The following DCLK1 variants were observed in gnomAD, a reference collection of about 807,000 sequenced individuals.
DCLK1 encodes doublecortin like kinase 1, also known as serine/threonine-protein kinase DCLK1.
A neutral mutation model predicts 86.2 loss-of-function variants in DCLK1; 16 were observed. The observed-to-expected ratio is 0.19, with a 90% CI of 0.13 to 0.28. The LOEUF (loss-of-function observed/expected upper bound fraction) is 0.28, where lower values mean the gene tolerates loss of function less well. DCLK1 is among the 10% of genes least tolerant of loss of function. The pLI is 1.00. For missense variants in DCLK1, 590 were observed against 940.2 expected (o/e 0.63, Z 4.87); for synonymous variants, 369 against 370.5 (o/e 1.00, Z 0.05).
At chr13:36,025,658 G>T (rs1025640209) in intron 3 of DCLK1, among the ~76,000 whole-genome samples, 9 of 152,142 alleles carry the variant, frequency 5.9e-5, no homozygotes, top group Non-Finnish European at 1.2e-4. Flanking sequence ...TATTGTATAG[G>T]CCCATTTATA....
At chr13:35,811,834 GA>G (rs796929367) in intron 11 of DCLK1, among the ~76,000 whole-genome samples, 24 of 138,430 alleles carry the variant, frequency 1.7e-4, no homozygotes, top group Middle Eastern at 3.8e-3. Flanking sequence ...AAATCTGTCT[GA>G]AAAAAAAAAA....
At chr13:36,045,402 T>G (rs1031521123) in intron 3 of DCLK1, among the ~76,000 whole-genome samples, 1 of 128,806 alleles carries the variant, frequency 7.8e-6, no homozygotes, top group East Asian at 2.6e-4. Context: ...CTAACATCAG[T>G]GAACTTTCCC....
chr13:36,024,868 T>C (rs1301843133), intron 3 of DCLK1, among the ~76,000 whole-genome samples: 2 of 151,836 alleles, frequency 1.3e-5, no homozygotes, highest in African/African-American at 2.4e-5. Context: ...GACAGTATGA[T>C]ACAGACATAA....
At chr13:35,799,411 G>C (rs7994569) in intron 15 of DCLK1, among the ~76,000 whole-genome samples, 94,568 of 151,952 alleles carry the variant, frequency 0.62, 31,855 homozygotes, top group African/African-American at 0.88. Context: ...GCCACCATGC[G>C]TGGCTAATTT....
In DCLK1 at chr13:35,854,485, G is replaced by A; in HGVS notation, c.1035+14C>T. 1 of 1,585,798 alleles carries A rather than the reference G, an allele frequency of 6.3e-7. No individual in the cohort carries two copies. The highest frequency in any genetic ancestry group is 8.6e-7 in the Non-Finnish European group (1 of 1,165,600). On this transcript the variant is annotated intron_variant, in intron 6 of 16. Transcript: ENST00000360631. ...GAGACAGGTCTGAAACAAGCAGCTT[G>A]CTTATTTCCTTACCCTCTGCTTCCG...
chr13:36,057,699 T>C (rs564073618), intron 3 of DCLK1, among the ~76,000 whole-genome samples: 181 of 152,264 alleles, frequency 1.2e-3, no homozygotes, highest in African/African-American at 4.2e-3. Flanking sequence ...ATTTATGGAA[T>C]AGATTAAAGC....
Position 35,977,539 on chromosome 13 carries a change from A to G in DCLK1, c.724-30082T>C, listed in dbSNP as rs554526661. Among the ~76,000 whole-genome samples the G allele has an allele frequency of 7.9e-4, 120 of 152,208 alleles. 1 individual carries two copies. Among genetic ancestry groups the G allele is most frequent in the Non-Finnish European group, 1.3e-3 (91 of 68,042 alleles). ...GGTATTTGCTAATTAAAGTACAGAA[A>G]TGCACACATTTAATACTGGTCATCA... On this transcript the variant is annotated intron_variant, in intron 3 of 16. Transcript: ENST00000360631.
chr13:35,936,962 C>CTTTTTT lies in DCLK1; in HGVS notation c.823+10390_823+10395dup, dbSNP rs140269668. On this transcript the variant is annotated intron_variant, in intron 4 of 16. Coordinates refer to ENST00000360631, the MANE Select transcript of DCLK1 (RefSeq NM_001330071.2). Reference sequence around the variant, plus strand: ...TTAAAACATCCAAAAGAAAAGTTAGCTTTTTTTTTTTTTTTTTTTTTTTTT... The same window carrying CTTTTTT: ...TTAAAACATCCAAAAGAAAAGTTAGCTTTTTTTTTTTTTTTTTTTTTTTTTTTTTTT... 1.3e-3 allele frequency among the ~76,000 whole-genome samples: 85 copies of CTTTTTT among 65,732 alleles called. 3 individuals are homozygous for CTTTTTT. Among genetic ancestry groups the CTTTTTT allele is most frequent in the African/African-American group, 2.8e-3 (52 of 18,890 alleles). The allele number at this position is 65,732 out of a possible 152,430, so 43.1% of individuals were successfully genotyped here. A position where few individuals can be genotyped will look rare whatever the true frequency, so the allele number is the denominator to read the frequency against.
chr13:35,997,757 G>A (rs1411741538), intron 3 of DCLK1, among the ~76,000 whole-genome samples: 1 of 152,140 alleles, frequency 6.6e-6, no homozygotes, highest in Non-Finnish European at 1.5e-5. Context: ...AAACAGCAAA[G>A]TATGCTTCTC....
At chr13:35,861,163 C>A (rs984831397) in intron 5 of DCLK1, among the ~76,000 whole-genome samples, 3 of 152,104 alleles carry the variant, frequency 2.0e-5, no homozygotes, top group Admixed American at 1.3e-4. Context: ...GCAATGGCAT[C>A]ACCATAGGGA....
intron 3 of DCLK1, among the ~76,000 whole-genome samples, chr13:35,960,283 C>T (rs1013118288): frequency 6.6e-6 from 1 of 152,056 alleles, no homozygotes; most frequent in African/African-American, 2.4e-5. Context: ...AATAAAAATC[C>T]ACCATGTGCA....
intron 3 of DCLK1, among the ~76,000 whole-genome samples, chr13:35,975,343 A>G (rs1879280759): frequency 6.6e-6 from 1 of 152,210 alleles, no homozygotes; most frequent in South Asian, 2.1e-4. Context: ...GACCTGCATC[A>G]GGCTGGAGAC....
rs1257738119 is a variant in DCLK1, at chr13:35,771,494, T to C, written c.*3041A>G. The C allele has an allele frequency of 6.6e-6, 1 of 152,218 alleles. No individual in the cohort carries two copies. The highest frequency in any genetic ancestry group is 1.5e-5 in the Non-Finnish European group (1 of 68,044). 9.4% of individuals were successfully genotyped at this position (152,218 alleles called of 1,614,324 possible). The stretch of plus-strand genomic sequence containing the variant: ...GAGCAAATCACATATTCATTGATCA[T>C]GACGAATAAAATGATTTCTGCTACA... On this transcript the variant is annotated 3_prime_UTR_variant, in exon 17 of 17. Coordinates refer to ENST00000360631, the MANE Select transcript of DCLK1 (RefSeq NM_001330071.2).
intron 3 of DCLK1, among the ~76,000 whole-genome samples, chr13:36,092,733 G>A (rs1310414331): frequency 1.3e-5 from 2 of 151,692 alleles, no homozygotes; most frequent in Admixed American, 6.6e-5. Context: ...TGATCCGCCC[G>A]CCTCGGCCTC....
At chr13:36,029,239 C>T (rs979282009) in intron 3 of DCLK1, among the ~76,000 whole-genome samples, 1 of 152,174 alleles carries the variant, frequency 6.6e-6, no homozygotes, top group South Asian at 2.1e-4. Flanking sequence ...TCCCTGACCT[C>T]CCTGGTCAGA....
intron 2 of DCLK1, among the ~76,000 whole-genome samples, chr13:36,125,431 T>C (rs1886134916): frequency 6.6e-6 from 1 of 152,206 alleles, no homozygotes. Flanking sequence ...AAAGTTTAAT[T>C]TGCATTTAGA....
intron 6 of DCLK1, chr13:35,846,036 A>T: frequency 4.1e-6 from 4 of 985,464 alleles, no homozygotes; most frequent in Non-Finnish European, 4.8e-6. Context: ...AAAGTAACTG[A>T]ACTTTCAAAA....
At chr13:35,890,646 A>G (rs1873586548) in intron 4 of DCLK1, among the ~76,000 whole-genome samples, 1 of 152,176 alleles carries the variant, frequency 6.6e-6, no homozygotes, top group South Asian at 2.1e-4. Flanking sequence ...AAATTTTGAC[A>G]GATGGATGCT....
chr13:35,779,098 C>G (rs775158554), intron 16 of DCLK1, among the ~76,000 whole-genome samples: 1 of 152,026 alleles, frequency 6.6e-6, no homozygotes. Context: ...TCACTGCAAC[C>G]GCCACCTCCC....
Sources: allele counts gnomAD v4.1 joint callset (sites outside exome capture counted in the v4.1 genomes callset), GRCh38; gene constraint gnomAD v4.1.1; transcripts MANE v1.5; gene names NCBI Gene and HGNC (gene_info 2026-07-23, HGNC 2026-07-21).